CCN4: variants seen among roughly 807,000 people sequenced by gnomAD.
The protein encoded by CCN4 is cellular communication network factor 4, also known as CCN family member 4.
In CCN4, 30 loss-of-function variants were observed where a neutral mutation model predicts 36.7. That is an observed-to-expected ratio of 0.82 (90% confidence interval 0.61 to 1.11). The LOEUF is 1.11. Ranked by LOEUF, CCN4 falls within the 50% of genes least tolerant of loss-of-function variation. The pLI, the probability that CCN4 is intolerant of heterozygous loss-of-function variation, is 0.00. For missense variants in CCN4, 505 were observed against 504.9 expected (o/e 1.00, Z 0.00); for synonymous variants, 191 against 195.4 (o/e 0.98, Z 0.19).
chr8:133,221,082 G>A (rs1382602171), intron 3 of CCN4, among the ~76,000 whole-genome samples: 2 of 152,208 alleles, frequency 1.3e-5, no homozygotes, highest in African/African-American at 4.8e-5. Flanking sequence ...GCTTTGTAAA[G>A]AACAAAGCCC....
intron 2 of CCN4, among the ~76,000 whole-genome samples, chr8:133,214,609 G>A (rs1854250747): frequency 6.6e-6 from 1 of 151,932 alleles, no homozygotes. Flanking sequence ...CCTCCTTTAT[G>A]AAACTTTCTG....
intron 3 of CCN4, among the ~76,000 whole-genome samples, chr8:133,222,659 G>A (rs1013429407): frequency 4.0e-5 from 6 of 151,526 alleles, no homozygotes; most frequent in Non-Finnish European, 7.4e-5. Context: ...AGGAGGGTTG[G>A]GATGTATGAA....
At chr8:133,223,632 TTCTC>T (rs943332279) in intron 3 of CCN4, among the ~76,000 whole-genome samples, 4 of 143,958 alleles carry the variant, frequency 2.8e-5, no homozygotes, top group South Asian at 2.4e-4. Flanking sequence ...TCCTGTTTCT[TTCTC>T]TCTCTCACAC....
intron 1 of CCN4, among the ~76,000 whole-genome samples, chr8:133,210,386 G>GGTGTGTGTGTGTGT (rs71299053): frequency 6.2e-5 from 9 of 145,588 alleles, no homozygotes; most frequent in African/African-American, 2.1e-4. Context: ...CAAAAAGAGG[G>GGTGTGTGTGTGTGT]GTGTGTGTGT....
At chr8:133,200,003 G>A (rs1312303756) in intron 1 of CCN4, among the ~76,000 whole-genome samples, 1 of 152,126 alleles carries the variant, frequency 6.6e-6, no homozygotes. Flanking sequence ...GAACACCACC[G>A]TGTGCCCCAA....
chr8:133,205,329 C>T (rs1853731136), intron 1 of CCN4, among the ~76,000 whole-genome samples: 1 of 152,184 alleles, frequency 6.6e-6, no homozygotes, highest in Admixed American at 6.5e-5. Context: ...AATCCCAAGG[C>T]TGTTTTGGTT....
At chr8:133,226,380 A>G (rs1182943551) in intron 4 of CCN4, among the ~76,000 whole-genome samples, 1 of 152,228 alleles carries the variant, frequency 6.6e-6, no homozygotes, top group African/African-American at 2.4e-5. Context: ...CAGACATCCA[A>G]CATCACTCCT....
intron 1 of CCN4, among the ~76,000 whole-genome samples, chr8:133,206,573 G>C (rs111225992): frequency 0.019 from 2,848 of 152,258 alleles, 69 homozygotes; most frequent in African/African-American, 0.061. Flanking sequence ...ATGCCATCCT[G>C]GATGTTGAAG....
At chr8:133,198,428 T>C (rs1853466704) in intron 1 of CCN4, among the ~76,000 whole-genome samples, 1 of 152,140 alleles carries the variant, frequency 6.6e-6, no homozygotes, top group Admixed American at 6.5e-5. Flanking sequence ...TCCCACCATC[T>C]CAGTGGTTTC....
intron 2 of CCN4, among the ~76,000 whole-genome samples, chr8:133,217,936 C>CCACACACA (rs58105917): frequency 1.7e-4 from 24 of 144,524 alleles, no homozygotes; most frequent in South Asian, 1.1e-3. Context: ...ACTCCCTTCT[C>CCACACACA]CACACACACA....
Position 133,217,265 on chromosome 8 carries a change from C to CA in CCN4, c.350-3311dup, listed in dbSNP as rs202219492. On this transcript the variant is annotated intron_variant, in intron 2 of 4. Transcript: ENST00000250160. ...CACACAATAAACATAAGTGAGGCAG[C>CA]AAAAACAAACAGAGCTACAACAAGG... is the stretch of plus-strand genomic sequence containing the variant. Among the ~76,000 whole-genome samples the CA allele has an allele frequency of 2.0e-3, 302 of 152,170 alleles. 2 individuals are homozygous for CA. The highest frequency in any genetic ancestry group is 6.8e-3 in the African/African-American group (283 of 41,524).
At chr8:133,202,793 C>T (rs1853635166) in intron 1 of CCN4, among the ~76,000 whole-genome samples, 1 of 152,186 alleles carries the variant, frequency 6.6e-6, no homozygotes, top group South Asian at 2.1e-4. Flanking sequence ...GAAGGGGAGC[C>T]CCCACCAGGG....
intron 1 of CCN4, among the ~76,000 whole-genome samples, chr8:133,194,607 T>G (rs1177969642): frequency 4.9e-4 from 42 of 85,320 alleles, no homozygotes; most frequent in Non-Finnish European, 8.5e-4. Context: ...TGTGTGTGTG[T>G]GGGTTTGTGT....
intron 1 of CCN4, among the ~76,000 whole-genome samples, chr8:133,192,998 C>T (rs1393735288): frequency 1.3e-5 from 2 of 152,216 alleles, no homozygotes; most frequent in East Asian, 1.9e-4. Flanking sequence ...AGACCACCCA[C>T]CCCATGCTTG....
At chr8:133,225,303 G>A (rs1854685210) in intron 3 of CCN4, 87 bp from the exon 4 acceptor site, 1 of 1,378,122 alleles carries the variant, frequency 7.3e-7, no homozygotes, top group Non-Finnish European at 9.8e-7. Context: ...CTGAGTTCTG[G>A]GGACCGCAGA....
intron 1 of CCN4, among the ~76,000 whole-genome samples, chr8:133,203,908 A>G (rs989230407): frequency 6.6e-6 from 1 of 152,232 alleles, no homozygotes; most frequent in African/African-American, 2.4e-5. Flanking sequence ...ACGTCAAATT[A>G]TAGACTTACC....
rs1409525569 is a variant in CCN4, at chr8:133,229,991, A to G, written c.*2281A>G. 2 of 152,240 alleles carry G rather than the reference A, an allele frequency of 1.3e-5. No homozygotes were observed. The highest frequency in any genetic ancestry group is 4.8e-5 in the African/African-American group (2 of 41,460). The allele number at this position is 152,240 out of a possible 1,614,324, so 9.4% of individuals were successfully genotyped here. A position where few individuals can be genotyped will look rare whatever the true frequency, so the allele number is the denominator to read the frequency against. On this transcript the variant is annotated 3_prime_UTR_variant, in exon 5 of 5. Transcript: ENST00000250160. ...AAATTACAAGGCTGGATAACAGCTC[A>G]CTCCATTTGAAATTCAGTGGAAACC...
chr8:133,220,655 T>A lies in CCN4; in HGVS notation c.424T>A (p.Tyr142Asn). The stretch of plus-strand genomic sequence containing the variant: ...CCAGTCCTTCCAGCCTAACTGCAAG[T>A]ACAACTGCACGTGCATCGACGGCGC... ...NGQSFQPNCK[Y>N]NCTCIDGAVG... Residue 142 changes from tyrosine (Y) to asparagine (N), a missense_variant, in exon 3 of 5, where the codon TAC becomes AAC. Coordinates refer to ENST00000250160, the MANE Select transcript of CCN4 (RefSeq NM_003882.4). The A allele has an allele frequency of 6.2e-7, 1 of 1,614,126 alleles. No homozygotes were observed. The highest frequency in any genetic ancestry group is 1.3e-5 in the African/African-American group (1 of 75,050).
chr8:133,214,725 A>G (rs1378913973), intron 2 of CCN4, among the ~76,000 whole-genome samples: 1 of 152,190 alleles, frequency 6.6e-6, no homozygotes, highest in Non-Finnish European at 1.5e-5. Context: ...ATGATGCAGC[A>G]GCCTAACTTC....
Sources: allele counts gnomAD v4.1 joint callset (sites outside exome capture counted in the v4.1 genomes callset), GRCh38; gene constraint gnomAD v4.1.1; transcripts MANE v1.5; gene names NCBI Gene and HGNC (gene_info 2026-07-23, HGNC 2026-07-21).